Variants in MYRF observed in about 807,000 individuals in gnomAD.
The protein encoded by MYRF is myelin regulatory factor, also known as myelin gene regulatory factor.
Under a neutral mutation model 126.3 loss-of-function variants are expected in MYRF, and 16 were observed. That is an observed-to-expected ratio of 0.13 (90% CI 0.09 to 0.19). The LOEUF (loss-of-function observed/expected upper bound fraction) is 0.19, where lower values mean the gene tolerates loss of function less well. Ranked by LOEUF, MYRF falls within the 10% of genes least tolerant of loss-of-function variation. The pLI is 1.00. For synonymous variants in MYRF, 608 were observed against 635.3 expected (o/e 0.96, Z 0.65); for missense variants, 1,104 against 1,547.0 (o/e 0.71, Z 4.80).
At chr11:61,773,834 GC>G in intron 7 of MYRF, 132 bp from the exon 8 acceptor site, 1 of 694,024 alleles carries the variant, frequency 1.4e-6, no homozygotes. Context: ...AGGAGTGGGG[GC>G]AGCCGCATTG....
At position 61,778,656 on chromosome 11, in the gene MYRF, A is replaced by G. The variant is rs2066453299; in HGVS notation, c.2013+167A>G. On this transcript the variant is annotated intron_variant, in intron 14 of 26. Transcript: ENST00000278836. The surrounding 1 kb of genome is among the most constrained non-coding windows in gnomAD (Gnocchi z 4.6). ...CTCTGCACCCCACAGGGAAGGGGTG[A>G]GTGTTCAAGGAGATGAGTGGGTAGG... Among the ~76,000 whole-genome samples the G allele has an allele frequency of 6.6e-6, 1 of 152,056 alleles. No individual in the cohort carries two copies. The highest frequency in any genetic ancestry group is 1.5e-5 in the Non-Finnish European group (1 of 67,980).
Position 61,767,494 on chromosome 11 carries a change from A to C in MYRF, c.398+1273A>C, listed in dbSNP as rs539438466. On this transcript the variant is annotated intron_variant, in intron 3 of 26. Coordinates refer to ENST00000278836, the MANE Select transcript of MYRF (RefSeq NM_001127392.3). The stretch of plus-strand genomic sequence containing the variant: ...CTCTGTGGGCAGGGCCACTCCAGGA[A>C]GGGACCCAGGGCCAGACCTGAGTCT... The C allele has an allele frequency of 1.8e-5, 8 of 453,296 alleles. No homozygotes were observed. The East Asian group carries it at 5.6e-4, about 32-fold the overall frequency. The allele number at this position is 453,296 out of a possible 1,614,324, so 28.1% of individuals were successfully genotyped here.
intron 24 of MYRF, 118 bp from the exon 25 acceptor site, chr11:61,784,159 GTTA>G: frequency 9.5e-7 from 1 of 1,047,680 alleles, no homozygotes; most frequent in Non-Finnish European, 1.4e-6. Context: ...GAGGGCCCTG[GTTA>G]TTATGCGGTG....
intron 14 of MYRF, 37 bp from the exon 15 acceptor site, chr11:61,779,226 T>TGTTGGCC (rs1454712173): frequency 1.3e-6 from 2 of 1,522,856 alleles, no homozygotes; most frequent in African/African-American, 2.8e-5. Flanking sequence ...GGGCCCTCTG[T>TGTTGGCC]GTTGGCCCAT....
chr11:61,763,085 TC>T, intron 1 of MYRF, among the ~76,000 whole-genome samples: 1 of 152,200 alleles, frequency 6.6e-6, no homozygotes, highest in South Asian at 2.1e-4. Flanking sequence ...CATCAGCCCA[TC>T]ATTCACCGTA....
intron 26 of MYRF, 71 bp from the exon 27 acceptor site, chr11:61,785,992 A>G (rs943696844): frequency 6.4e-7 from 1 of 1,557,896 alleles, no homozygotes; most frequent in Non-Finnish European, 8.9e-7. Flanking sequence ...GTGTCAAGCA[A>G]TGTCAGCAGG....
intron 3 of MYRF, chr11:61,766,887 GC>G: frequency 2.6e-6 from 1 of 391,152 alleles, no homozygotes; most frequent in South Asian, 1.9e-5. Flanking sequence ...AAATGTAGGG[GC>G]CCCTGTCTCT....
chr11:61,776,759 G>A lies in MYRF; in HGVS notation c.1500-28G>A, dbSNP rs1441201064. The A allele has an allele frequency of 1.3e-6, 2 of 1,551,144 alleles. No homozygotes were observed. The highest frequency in any genetic ancestry group is 1.8e-6 in the Non-Finnish European group (2 of 1,142,546). On this transcript the variant is annotated intron_variant, in intron 10 of 26. Transcript: ENST00000278836. The surrounding 1 kb of genome is among the most constrained non-coding windows in gnomAD (Gnocchi z 4.3). The stretch of plus-strand genomic sequence containing the variant: ...CCCTGGGGGCGGGGGCAGGCCATGA[G>A]TACTTCTGAGACCCCTGTGTGTCCC...
rs754690017 is a variant in MYRF, at chr11:61,778,772, T to G, written c.2013+283T>G. 2 of 599,510 alleles carry G rather than the reference T, an allele frequency of 3.3e-6. No individual in the cohort carries two copies. Among genetic ancestry groups the G allele is most frequent in the South Asian group, 3.0e-5 (2 of 65,880 alleles). 37.1% of individuals were successfully genotyped at this position (599,510 alleles called of 1,614,324 possible). On this transcript the variant is annotated intron_variant, in intron 14 of 26. Transcript: ENST00000278836. This position sits in a 1 kb window ranked among gnomAD's most constrained non-coding sequence, Gnocchi z 4.6. ...ACCCCCGGTAAAATGAGGGCGGTAATAGAACTGCACAGACATCCTCGTATG... is the reference window on the plus strand; with the variant it reads ...ACCCCCGGTAAAATGAGGGCGGTAAGAGAACTGCACAGACATCCTCGTATG...
chr11:61,777,688 G>C lies in MYRF; in HGVS notation c.1792-46G>C, dbSNP rs780885689. ...CCTCCTGGGCTCCGGGGCCTGCTCC[G>C]GGACGGCCGCAGGAGGGGTTCATTC... On this transcript the variant is annotated intron_variant, in intron 12 of 26. Coordinates refer to ENST00000278836, the MANE Select transcript of MYRF (RefSeq NM_001127392.3). This position sits in a 1 kb window ranked among gnomAD's most constrained non-coding sequence, Gnocchi z 8.8. The C allele has an allele frequency of 2.6e-5, 40 of 1,522,712 alleles. No individual in the cohort carries two copies. In the African/African-American group the frequency reaches 5.1e-4, roughly 19 times the overall value. 94.3% of individuals were successfully genotyped at this position (1,522,712 alleles called of 1,614,324 possible). A position where few individuals can be genotyped will look rare whatever the true frequency, so the allele number is the denominator to read the frequency against.
intron 1 of MYRF, chr11:61,755,335 C>A: frequency 1.9e-6 from 3 of 1,571,308 alleles, no homozygotes; most frequent in South Asian, 2.3e-5. Context: ...GCCGGGCCCC[C>A]GTGACCGCCC....
At chr11:61,785,731 C>A in intron 25 of MYRF, 69 bp from the exon 26 acceptor site, 1 of 1,347,450 alleles carries the variant, frequency 7.4e-7, no homozygotes, top group Non-Finnish European at 1.1e-6. Flanking sequence ...ACTGCGACGG[C>A]CGTGGTGAGA....
intron 22 of MYRF, 194 bp downstream of exon 22, chr11:61,782,018 C>A: frequency 1.8e-6 from 1 of 566,840 alleles, no homozygotes; most frequent in Non-Finnish European, 2.8e-6. Context: ...CACAGCACTC[C>A]TGCAAGAAAG....
At chr11:61,780,062 G>A (rs1017913149) in intron 17 of MYRF, 132 bp downstream of exon 17, 39 of 1,195,254 alleles carry the variant, frequency 3.3e-5, no homozygotes, top group Admixed American at 1.0e-4. Context: ...CTGAGGTCTC[G>A]GTGAGGTGGG....
chr11:61,763,168 G>A (rs2065949152), intron 1 of MYRF, among the ~76,000 whole-genome samples: 1 of 152,308 alleles, frequency 6.6e-6, no homozygotes, highest in African/African-American at 2.4e-5. Context: ...GGTGGGGTGG[G>A]GAAGGCACAG....
At chr11:61,772,085 A>G in intron 7 of MYRF, 133 bp downstream of exon 7, 1 of 1,341,796 alleles carries the variant, frequency 7.5e-7, no homozygotes, top group Non-Finnish European at 1.0e-6. Flanking sequence ...GGCTCAGGGA[A>G]GAGCCAGGAC....
In MYRF at chr11:61,765,897, G is replaced by A. The variant is rs1270070670; in HGVS notation, c.135-61G>A. On this transcript the variant is annotated intron_variant, in intron 2 of 26. Transcript: ENST00000278836. ...CCATAGTTCCCTGCAGGGAGGGGGCGGCTACTTCCCTGCTGGGGCTGGGGT... is the reference window on the plus strand; with the variant it reads ...CCATAGTTCCCTGCAGGGAGGGGGCAGCTACTTCCCTGCTGGGGCTGGGGT... 14 of 1,460,530 alleles carry A rather than the reference G, an allele frequency of 9.6e-6. No homozygotes were observed. In the East Asian group the frequency reaches 2.0e-4, roughly 20 times the overall value. The allele number at this position is 1,460,530 out of a possible 1,614,324, so 90.5% of individuals were successfully genotyped here.
chr11:61,773,169 T>C (rs1437397731), intron 7 of MYRF, among the ~76,000 whole-genome samples: 2 of 152,100 alleles, frequency 1.3e-5, no homozygotes, highest in Non-Finnish European at 2.9e-5. Context: ...TTTGTATTTT[T>C]AGTAGAGGCG....
In MYRF at chr11:61,779,361, C is replaced by T. The variant is rs1286552927; in HGVS notation, c.2112C>T (p.His704=). ...TTGATGAGCTGGAGCGCTGGAGCCA[C>T]AAGCTGGCCAAGCTGCGGCGGCTCG... ...TRIDELERWS[H]KLAKLRRLDS... Residue 704 remains histidine (H), a synonymous_variant, in exon 15 of 27, where the codon CAC becomes CAT. Transcript: ENST00000278836. 7 of 1,551,312 alleles carry T rather than the reference C, an allele frequency of 4.5e-6. No individual in the cohort carries two copies. In the East Asian group the frequency reaches 1.7e-4, roughly 38 times the overall value.
Sources: gnomAD v4.1 joint callset for allele counts (sites outside exome capture counted in the v4.1 genomes callset) on GRCh38, gnomAD v4.1.1 for gene constraint, Gnocchi (gnomAD v3.1) non-coding constraint, MANE v1.5 for transcripts, NCBI Gene and HGNC (gene_info 2026-07-23, HGNC 2026-07-21) for gene names.